CSMD1: variants seen among roughly 807,000 people sequenced by gnomAD.
CSMD1 encodes the protein CUB and Sushi multiple domains 1.
Under a neutral mutation model 417.5 loss-of-function variants are expected in CSMD1, and 213 were observed. That is an observed-to-expected ratio of 0.51 (90% CI 0.46 to 0.57). The LOEUF is 0.57. Among genes scored for constraint, CSMD1 ranks in the 20% least tolerant of loss-of-function variants. The probability of loss-of-function intolerance (pLI) is 0.00; values close to 1 mark genes in which losing one functional copy is unlikely to be tolerated. For missense variants in CSMD1, 6,923 were observed against 4,529.7 expected (o/e 1.53, Z -15.17); for synonymous variants, 2,862 against 1,736.8 (o/e 1.65, Z -16.11).
intron 3 of CSMD1, among the ~76,000 whole-genome samples, chr8:4,117,006 G>A (rs1802192491): frequency 6.6e-6 from 1 of 151,936 alleles, no homozygotes; most frequent in Non-Finnish European, 1.5e-5. Context: ...AAGATGGCCT[G>A]ACGCTTAACC....
intron 10 of CSMD1, among the ~76,000 whole-genome samples, chr8:3,520,039 T>TATATATATATATATATACACACACAC (rs545212684): frequency 1.0e-4 from 15 of 147,184 alleles, no homozygotes; most frequent in African/African-American, 3.9e-4. Context: ...TATATATATA[T>TATATATATATATATATACACACACAC]ACACGTATAG....
intron 10 of CSMD1, among the ~76,000 whole-genome samples, chr8:3,548,600 C>T (rs1476748787): frequency 1.3e-5 from 2 of 149,894 alleles, no homozygotes; most frequent in African/African-American, 4.9e-5. Flanking sequence ...CCAATCTCAT[C>T]CAGGTTGCTA....
rs1797195715 is a variant in CSMD1, at chr8:4,288,698, T to TTC, written c.415+131253_415+131254dup. Among the ~76,000 whole-genome samples the TTC allele has an allele frequency of 3.9e-5, 6 of 152,276 alleles. No individual in the cohort carries two copies. The South Asian group carries it at 1.2e-3, about 32-fold the overall frequency. On this transcript the variant is annotated intron_variant, in intron 3 of 69. Coordinates refer to ENST00000635120, the MANE Select transcript of CSMD1 (RefSeq NM_033225.6). Reference sequence around the variant, plus strand: ...ACATTTGTAACCTCGTTGTAGAGTCTTCTAGTGGATTTTTAAGCAAATCTA... The same window carrying TTC: ...ACATTTGTAACCTCGTTGTAGAGTCTTCTCTAGTGGATTTTTAAGCAAATCTA...
At chr8:4,974,869 C>A (rs573940984) in intron 1 of CSMD1, among the ~76,000 whole-genome samples, 1 of 152,206 alleles carries the variant, frequency 6.6e-6, no homozygotes, top group Non-Finnish European at 1.5e-5. Context: ...TATGTTGCAA[C>A]TGTATCAACT....
chr8:4,581,778 C>T (rs1447944038), intron 2 of CSMD1, among the ~76,000 whole-genome samples: 4 of 152,144 alleles, frequency 2.6e-5, no homozygotes, highest in Admixed American at 1.3e-4. Context: ...CAGACAATTG[C>T]CTATTGGCTA....
At chr8:3,285,226 G>C (rs1336905199) in intron 25 of CSMD1, among the ~76,000 whole-genome samples, 1 of 152,134 alleles carries the variant, frequency 6.6e-6, no homozygotes, top group Non-Finnish European at 1.5e-5. Context: ...GCTTTGTTTT[G>C]CATATATTAC....
chr8:4,414,637 G>T (rs79843795), intron 3 of CSMD1, among the ~76,000 whole-genome samples: 24 of 152,052 alleles, frequency 1.6e-4, no homozygotes, highest in African/African-American at 5.8e-4. Context: ...GTGTTCACTA[G>T]AAAGAAAATC....
At chr8:3,400,129 A>G (rs1563348544) in intron 15 of CSMD1, among the ~76,000 whole-genome samples, 2 of 152,188 alleles carry the variant, frequency 1.3e-5, no homozygotes, top group East Asian at 3.9e-4. Flanking sequence ...TGCAAAGGAG[A>G]AATAAAGTTT....
At chr8:3,267,954 G>C (rs1289089687) in intron 26 of CSMD1, among the ~76,000 whole-genome samples, 2 of 152,144 alleles carry the variant, frequency 1.3e-5, no homozygotes, top group Non-Finnish European at 2.9e-5. Context: ...GATTATGCCA[G>C]AGGGGAACAG....
Position 3,898,684 on chromosome 8 carries a change from A to G in CSMD1, c.818+99219T>C. On this transcript the variant is annotated intron_variant, in intron 5 of 69. Coordinates refer to ENST00000635120, the MANE Select transcript of CSMD1 (RefSeq NM_033225.6). ...CCTGGTATTTGTTGGTTTGTTTCTC[A>G]TTCAGAGTTCAGAATGGACAGGTGT... is the stretch of plus-strand genomic sequence containing the variant. 2.0e-5 allele frequency among the ~76,000 whole-genome samples: 3 copies of G among 152,330 alleles called. No homozygotes were observed. The East Asian group carries it at 5.8e-4, about 29-fold the overall frequency.
At chr8:4,360,510 G>C (rs777376444) in intron 3 of CSMD1, among the ~76,000 whole-genome samples, 6 of 152,280 alleles carry the variant, frequency 3.9e-5, no homozygotes, top group Non-Finnish European at 5.9e-5. Flanking sequence ...GGTTCTTTGA[G>C]ATGGAGTCTG....
chr8:4,722,590 T>C (rs556466806), intron 1 of CSMD1, among the ~76,000 whole-genome samples: 91 of 152,242 alleles, frequency 6.0e-4, no homozygotes, highest in Admixed American at 1.4e-3. Flanking sequence ...GTGTTCCTTC[T>C]TGGAGGAGCC....
intron 33 of CSMD1, among the ~76,000 whole-genome samples, chr8:3,194,034 T>C (rs1425173169): frequency 2.0e-5 from 3 of 152,324 alleles, no homozygotes; most frequent in East Asian, 3.9e-4. Flanking sequence ...AGGGACATTT[T>C]CTCTCTCAAA....
At chr8:4,824,508 C>A (rs981510751) in intron 1 of CSMD1, among the ~76,000 whole-genome samples, 4 of 152,120 alleles carry the variant, frequency 2.6e-5, no homozygotes, top group African/African-American at 9.6e-5. Flanking sequence ...AGAGTAGTCC[C>A]AATTAAAATA....
intron 66 of CSMD1, 36 bp from the exon 67 acceptor site, chr8:2,950,379 GAA>G (rs1563173394): frequency 4.6e-6 from 6 of 1,293,512 alleles, no homozygotes; most frequent in Middle Eastern, 3.7e-4. Context: ...TTACCTTGGA[GAA>G]AGTTAGTAAT....
chr8:3,544,945 A>C (rs116801645), intron 10 of CSMD1, among the ~76,000 whole-genome samples: 1,707 of 152,196 alleles, frequency 0.011, 29 homozygotes, highest in African/African-American at 0.039. Context: ...AATATCTTAG[A>C]TCTCTTCTTT....
chr8:4,111,975 T>C (rs1801880795), intron 3 of CSMD1, among the ~76,000 whole-genome samples: 1 of 151,598 alleles, frequency 6.6e-6, no homozygotes, highest in South Asian at 2.1e-4. Flanking sequence ...CATACATAGT[T>C]TTTTATTGTA....
chr8:3,328,921 T>C (rs1806712495), intron 23 of CSMD1, among the ~76,000 whole-genome samples: 1 of 152,220 alleles, frequency 6.6e-6, no homozygotes, highest in Non-Finnish European at 1.5e-5. Context: ...ACAGCAAGTA[T>C]TTTATTATAA....
At chr8:4,233,378 C>A (rs114204419) in intron 3 of CSMD1, among the ~76,000 whole-genome samples, 3 of 152,248 alleles carry the variant, frequency 2.0e-5, no homozygotes, top group African/African-American at 7.2e-5. Flanking sequence ...TGACTAAGTA[C>A]TATGTTCTGA....
Sources: allele counts gnomAD v4.1 joint callset (sites outside exome capture counted in the v4.1 genomes callset), GRCh38; gene constraint gnomAD v4.1.1; transcripts MANE v1.5; gene names NCBI Gene and HGNC (gene_info 2026-07-23, HGNC 2026-07-21).